The following JUP variants were observed in gnomAD, a reference collection of about 807,000 sequenced individuals.
JUP encodes catenin (cadherin-associated protein), gamma 80kDa.
In JUP, 28 loss-of-function variants were observed where a neutral mutation model predicts 71.1. That is an observed-to-expected ratio of 0.39 (90% CI 0.29 to 0.54). JUP has a LOEUF of 0.54. JUP is among the 20% of genes least tolerant of loss of function. The probability of loss-of-function intolerance (pLI) is 0.62; values close to 1 mark genes in which losing one functional copy is unlikely to be tolerated. For missense variants in JUP, 869 were observed against 1,030.1 expected, an observed-to-expected ratio of 0.84 and a Z score of 2.14; for synonymous variants, 401 against 438.9, an observed-to-expected ratio of 0.91 and a Z score of 1.08.
chr17:41,762,661 A>C (rs1915088177), intron 8 of JUP, among the ~76,000 whole-genome samples: 1 of 152,060 alleles, frequency 6.6e-6, no homozygotes, highest in Admixed American at 6.6e-5. Context: ...TTTGCCTCCC[A>C]AAGTGTTGGG....
intron 10 of JUP, 166 bp downstream of exon 10, chr17:41,758,233 C>T (rs572386560): frequency 4.1e-6 from 3 of 727,322 alleles, no homozygotes; most frequent in Non-Finnish European, 6.6e-6. Context: ...GAAAGCCATG[C>T]CCATGCAGGG....
intron 2 of JUP, 119 bp downstream of exon 2, chr17:41,771,528 G>A: frequency 2.2e-6 from 2 of 902,672 alleles, no homozygotes; most frequent in South Asian, 1.4e-5. Flanking sequence ...TAGTTAGCAT[G>A]AGCTGTGCCT....
chr17:41,782,902 T>A (rs1348255955), intron 1 of JUP, among the ~76,000 whole-genome samples: 1 of 151,784 alleles, frequency 6.6e-6, no homozygotes, highest in East Asian at 1.9e-4. Flanking sequence ...TTCGAGACCA[T>A]CCTGACCAAC....
chr17:41,781,129 GGA>G (rs1479968235), intron 1 of JUP, among the ~76,000 whole-genome samples: 8 of 150,480 alleles, frequency 5.3e-5, no homozygotes, highest in Non-Finnish European at 1.0e-4. Context: ...TGCAGCGAGC[GGA>G]GATCGTGCCA....
Position 41,757,406 on chromosome 17 carries a change from G to T in JUP, c.2046+9C>A. On this transcript the variant is annotated intron_variant, in intron 12 of 13. Coordinates refer to ENST00000393931, the MANE Select transcript of JUP (RefSeq NM_002230.4). ...AACCAACTACTGTGGTCCAACCTAG[G>T]ATACTCACAGCCTCCCAGGCAGCCG... 6.2e-7 allele frequency: 1 copy of T among 1,614,194 alleles called. No homozygotes were observed. Among genetic ancestry groups the T allele is most frequent in the Non-Finnish European group, 8.5e-7 (1 of 1,180,036 alleles).
At chr17:41,777,524 C>T (rs1448802532) in intron 1 of JUP, among the ~76,000 whole-genome samples, 2 of 152,232 alleles carry the variant, frequency 1.3e-5, no homozygotes, top group African/African-American at 2.4e-5. Context: ...AGCTCCAGGA[C>T]GGAACCTCCT....
intron 8 of JUP, among the ~76,000 whole-genome samples, chr17:41,761,247 T>C (rs1555601066): frequency 1.3e-5 from 2 of 152,184 alleles, no homozygotes; most frequent in Non-Finnish European, 2.9e-5. Context: ...GTGGCTCTCC[T>C]GATTTTCAGC....
At chr17:41,776,298 C>G (rs2046881651) in intron 1 of JUP, among the ~76,000 whole-genome samples, 2 of 152,252 alleles carry the variant, frequency 1.3e-5, no homozygotes, top group African/African-American at 4.8e-5. Flanking sequence ...TTTCCTTAAG[C>G]CTCATTTTCT....
At chr17:41,766,118 A>C (rs1915671696) in intron 5 of JUP, among the ~76,000 whole-genome samples, 2 of 152,060 alleles carry the variant, frequency 1.3e-5, no homozygotes, top group Admixed American at 6.6e-5. Flanking sequence ...TTAGCTCAGT[A>C]GTATGTTCTC....
At position 41,755,219 on chromosome 17, in the gene JUP, CCAGGG is replaced by C; in HGVS notation, c.*520_*524del. 2.5e-6 allele frequency: 1 copy of C among 398,798 alleles called. No individual in the cohort carries two copies. Among genetic ancestry groups the C allele is most frequent in the Non-Finnish European group, 4.4e-6 (1 of 226,384 alleles). 24.7% of individuals were successfully genotyped at this position (398,798 alleles called of 1,614,324 possible). ...GTACTTGAGTCTGAAGCTTTAGTGG[CCAGGG>C]CCACAGGGGCGGGGAGGGGGTGTCA... On this transcript the variant is annotated 3_prime_UTR_variant, in exon 14 of 14. Coordinates refer to ENST00000393931, the MANE Select transcript of JUP (RefSeq NM_002230.4).
intron 1 of JUP, among the ~76,000 whole-genome samples, chr17:41,784,314 G>C (rs2047340773): frequency 1.3e-5 from 2 of 151,876 alleles, no homozygotes; most frequent in African/African-American, 4.8e-5. Context: ...CAAGGGAGGG[G>C]TGGAGTGGGG....
chr17:41,756,177 T>C lies in JUP; in HGVS notation c.2084A>G (p.Asp695Gly), dbSNP rs781859850. Residue 695 changes from aspartate to glycine, a missense_variant and splice_region_variant, in exon 13 of 14, where the codon GAT becomes GGT. By Grantham distance (94) the Asp-to-Gly change is moderately conservative (BLOSUM62 -1). Transcript: ENST00000393931. Reference protein sequence around the residue: ...SMIPINEPYGDDMDATYRPMY... With the variant: ...SMIPINEPYGGDMDATYRPMY... ...TGAAGAGCCCGGCACACACTTACCA[T>C]CTCCATAGGGCTCATTGATGGGAAT... 16 of 1,613,368 alleles carry C rather than the reference T, an allele frequency of 9.9e-6. No individual in the cohort carries two copies. The highest frequency in any genetic ancestry group is 1.3e-5 in the Non-Finnish European group (15 of 1,179,840).
At chr17:41,765,208 TTC>T in intron 5 of JUP, 141 bp from the exon 6 acceptor site, 1 of 842,774 alleles carries the variant, frequency 1.2e-6, no homozygotes, top group Non-Finnish European at 1.8e-6. Context: ...ATGTATTTTT[TTC>T]TTTTTATAAA....
chr17:41,774,480 T>A (rs1343325212), intron 1 of JUP, among the ~76,000 whole-genome samples: 4 of 152,014 alleles, frequency 2.6e-5, no homozygotes, highest in Admixed American at 2.6e-4. Flanking sequence ...ACTACAGGTG[T>A]GCACCACCAC....
Position 41,755,663 on chromosome 17 carries a change from G to A in JUP, c.*81C>T. The A allele has an allele frequency of 5.2e-6, 7 of 1,351,958 alleles. No individual in the cohort carries two copies. The South Asian group carries it at 1.1e-4, about 21-fold the overall frequency. 83.7% of individuals were successfully genotyped at this position (1,351,958 alleles called of 1,614,324 possible). On this transcript the variant is annotated 3_prime_UTR_variant, in exon 14 of 14. Coordinates refer to ENST00000393931, the MANE Select transcript of JUP (RefSeq NM_002230.4). ...AAAGGAGCGCAGGTTTCAGCGGGGA[G>A]ATGGGAGGGCCTCCAACAGAAGGAG...
intron 13 of JUP, 40 bp from the exon 14 acceptor site, chr17:41,755,935 G>GCTAC: frequency 1.9e-6 from 3 of 1,585,076 alleles, no homozygotes; most frequent in South Asian, 2.3e-5. Flanking sequence ...GGGTCTGCAA[G>GCTAC]CTACCCTGCA....
chr17:41,768,265 C>T (rs1322528419), intron 4 of JUP, among the ~76,000 whole-genome samples: 5 of 151,882 alleles, frequency 3.3e-5, no homozygotes, highest in Non-Finnish European at 7.4e-5. Flanking sequence ...CAGGCATGGT[C>T]GTGGGTGCCT....
At chr17:41,770,742 G>A (rs201916205) in intron 2 of JUP, among the ~76,000 whole-genome samples, 28 of 152,300 alleles carry the variant, frequency 1.8e-4, no homozygotes, top group Non-Finnish European at 3.5e-4. Context: ...TTGGGCTGGC[G>A]GGGCATCCCC....
chr17:41,759,399 T>A (rs1253952915), intron 8 of JUP, among the ~76,000 whole-genome samples: 4 of 152,144 alleles, frequency 2.6e-5, no homozygotes, highest in African/African-American at 9.7e-5. Context: ...CTAATAGCCC[T>A]TGCTAAAATG....
Sources: gnomAD v4.1 joint callset for allele counts (sites outside exome capture counted in the v4.1 genomes callset) on GRCh38, gnomAD v4.1.1 for gene constraint, MANE v1.5 for transcripts, NCBI Gene and HGNC (gene_info 2026-07-23, HGNC 2026-07-21) for gene names.